Variants in LEKR1 observed in about 807,000 individuals in gnomAD.
The protein encoded by LEKR1 is protein LEKR1.
In LEKR1, 59 loss-of-function variants were observed where a neutral mutation model predicts 72.4. The observed-to-expected ratio is 0.82, with a 90% CI of 0.66 to 1.01. The LOEUF (loss-of-function observed/expected upper bound fraction) is 1.01, where lower values mean the gene tolerates loss of function less well. LEKR1 is among the 50% of genes least tolerant of loss of function. The pLI is 0.00. For missense variants in LEKR1, 728 were observed against 759.2 expected (o/e 0.96, Z 0.48); for synonymous variants, 257 against 263.2 (o/e 0.98, Z 0.23).
chr3:157,009,862 A>G (rs1017873570), intron 9 of LEKR1, among the ~76,000 whole-genome samples: 3 of 152,068 alleles, frequency 2.0e-5, no homozygotes, highest in Non-Finnish European at 4.4e-5. Context: ...TATTCATAGT[A>G]AATTAAACTT....
intron 6 of LEKR1, among the ~76,000 whole-genome samples, chr3:156,961,300 A>G (rs1191115440): frequency 6.6e-6 from 1 of 152,206 alleles, no homozygotes; most frequent in African/African-American, 2.4e-5. Context: ...TACAAAATTC[A>G]CCCACTTTAA....
At chr3:156,826,753 T>C (rs1024925221) in intron 1 of LEKR1, 11 of 155,320 alleles carry the variant, frequency 7.1e-5, no homozygotes, top group African/African-American at 2.4e-4. Flanking sequence ...GGTTTCTGTG[T>C]GGAAGAGCCT....
At chr3:156,832,072 G>A (rs1417993248) in intron 2 of LEKR1, among the ~76,000 whole-genome samples, 3 of 152,210 alleles carry the variant, frequency 2.0e-5, no homozygotes. Context: ...TAAGAGGAGT[G>A]AAACTGTCTT....
At chr3:156,916,740 A>G (rs931932238) in intron 3 of LEKR1, among the ~76,000 whole-genome samples, 6 of 152,034 alleles carry the variant, frequency 3.9e-5, no homozygotes, top group African/African-American at 1.4e-4. Context: ...ATTTGGATGT[A>G]CTTCATTTCT....
chr3:156,851,115 G>T (rs1278859740), intron 2 of LEKR1: 2 of 130,396 alleles, frequency 1.5e-5, no homozygotes, highest in African/African-American at 8.1e-5. Context: ...TTGCATCTGG[G>T]CACCATACTT....
In LEKR1 at chr3:157,023,110, T is replaced by C. The variant is rs543818451; in HGVS notation, c.1204-1650T>C. Among the ~76,000 whole-genome samples the C allele has an allele frequency of 2.6e-5, 4 of 152,196 alleles. No homozygotes were observed. In the South Asian group the frequency reaches 8.3e-4, roughly 32 times the overall value. On this transcript the variant is annotated intron_variant, in intron 10 of 12. Transcript: ENST00000356539. Reference sequence around the variant, plus strand: ...TCATTGTTCTCTTGAGAAATTTAGGTTGACCTCTTTCCCTGTCTTGGTGGC... The same window carrying C: ...TCATTGTTCTCTTGAGAAATTTAGGCTGACCTCTTTCCCTGTCTTGGTGGC...
rs995801295 is a variant in LEKR1, at chr3:156,927,414, T to G, written c.384-15T>G. 1 of 1,026,920 alleles carries G rather than the reference T, an allele frequency of 9.7e-7. No individual in the cohort carries two copies. Among genetic ancestry groups the G allele is most frequent in the Non-Finnish European group, 1.2e-6 (1 of 819,540 alleles). The allele number at this position is 1,026,920 out of a possible 1,614,324, so 63.6% of individuals were successfully genotyped here. A position where few individuals can be genotyped will look rare whatever the true frequency, so the allele number is the denominator to read the frequency against. The stretch of plus-strand genomic sequence containing the variant: ...ACTATTTTTTAAAATCCTATTTTTT[T>G]TTTTTACTTTGCAGTCAAAGATTGT... On this transcript the variant is annotated splice_polypyrimidine_tract_variant and intron_variant, in intron 4 of 12. Coordinates refer to ENST00000356539, the MANE Select transcript of LEKR1 (RefSeq NM_001004316.3).
At chr3:156,930,335 C>T (rs1725101717) in intron 5 of LEKR1, among the ~76,000 whole-genome samples, 3 of 151,904 alleles carry the variant, frequency 2.0e-5, no homozygotes, top group Admixed American at 2.0e-4. Flanking sequence ...GACTCCTTTT[C>T]CTTTAAATTT....
At chr3:156,918,518 A>G (rs557622773) in intron 3 of LEKR1, among the ~76,000 whole-genome samples, 1 of 152,272 alleles carries the variant, frequency 6.6e-6, no homozygotes, top group South Asian at 2.1e-4. Flanking sequence ...TACAGATACC[A>G]AAGATGATAG....
chr3:156,941,139 G>A (rs1402812624), intron 5 of LEKR1, among the ~76,000 whole-genome samples: 1 of 150,610 alleles, frequency 6.6e-6, no homozygotes, highest in Admixed American at 6.6e-5. Flanking sequence ...CTATTTTGAG[G>A]AAAAAAAAAT....
At chr3:157,013,953 A>G (rs1324349389) in intron 10 of LEKR1, among the ~76,000 whole-genome samples, 1 of 152,124 alleles carries the variant, frequency 6.6e-6, no homozygotes, top group Non-Finnish European at 1.5e-5. Flanking sequence ...TAAAAAGCAC[A>G]CAATAAGATC....
intron 4 of LEKR1, among the ~76,000 whole-genome samples, chr3:156,923,425 T>C (rs1402603714): frequency 6.6e-6 from 1 of 152,254 alleles, no homozygotes; most frequent in Admixed American, 6.5e-5. Flanking sequence ...TATGGAATCA[T>C]ACAATATGTT....
chr3:156,851,793 T>G (rs1442576242), intron 2 of LEKR1, among the ~76,000 whole-genome samples: 5 of 152,108 alleles, frequency 3.3e-5, no homozygotes, highest in Admixed American at 3.3e-4. Context: ...ACTTTAAGAG[T>G]AAATCTTGGA....
intron 3 of LEKR1, among the ~76,000 whole-genome samples, chr3:156,857,249 C>T (rs984136772): frequency 6.6e-6 from 1 of 151,996 alleles, no homozygotes; most frequent in Admixed American, 6.6e-5. Context: ...GCTAAACTTA[C>T]ATTTTTGATA....
intron 6 of LEKR1, among the ~76,000 whole-genome samples, chr3:156,969,334 C>G (rs530905738): frequency 1.3e-5 from 2 of 152,178 alleles, no homozygotes; most frequent in Admixed American, 1.3e-4. Flanking sequence ...AATCCAGGAG[C>G]TGGTTTTTTG....
In LEKR1 at chr3:157,044,655, G is replaced by A. The variant is rs114387903; in HGVS notation, c.1669-685G>A. On this transcript the variant is annotated intron_variant, in intron 12 of 12. Transcript: ENST00000356539. ...CGAAGGTACAAACTTCTTGAGGGCA[G>A]GGACTGTATTCACTACAGCTTCTAG... Among the ~76,000 whole-genome samples the A allele has an allele frequency of 4.3e-3, 649 of 152,318 alleles. 2 individuals are homozygous for A. Among genetic ancestry groups the A allele is most frequent in the African/African-American group, 0.015 (624 of 41,568 alleles).
At chr3:156,905,089 G>A (rs1048348433) in intron 3 of LEKR1, among the ~76,000 whole-genome samples, 3 of 152,058 alleles carry the variant, frequency 2.0e-5, no homozygotes, top group Non-Finnish European at 2.9e-5. Context: ...GAGAGAGATA[G>A]AGGGGTGAGG....
chr3:157,026,220 G>C (rs953726059), intron 11 of LEKR1, among the ~76,000 whole-genome samples: 1 of 151,956 alleles, frequency 6.6e-6, no homozygotes, highest in Non-Finnish European at 1.5e-5. Context: ...GATGCCCCAG[G>C]CTCCACCGAG....
chr3:156,933,588 T>C (rs1018360407), intron 5 of LEKR1, among the ~76,000 whole-genome samples: 3 of 152,210 alleles, frequency 2.0e-5, no homozygotes, highest in Admixed American at 6.5e-5. Context: ...TCACATCTTA[T>C]AGAATATTTA....
Sources: allele counts gnomAD v4.1 joint callset (sites outside exome capture counted in the v4.1 genomes callset), GRCh38; gene constraint gnomAD v4.1.1; transcripts MANE v1.5; gene names NCBI Gene and HGNC (gene_info 2026-07-23, HGNC 2026-07-21).